Variants in SLC39A11 observed in about 807,000 individuals in gnomAD.
SLC39A11 encodes the protein zinc transporter ZIP11.
In SLC39A11, 33 loss-of-function variants were observed where a neutral mutation model predicts 36.1. That is an observed-to-expected ratio of 0.91 (90% CI 0.69 to 1.22). The LOEUF (loss-of-function observed/expected upper bound fraction) is 1.22, where lower values mean the gene tolerates loss of function less well. Ranked by LOEUF, SLC39A11 falls within the 50% of genes most tolerant of loss-of-function variation. The probability of loss-of-function intolerance (pLI) is 0.00; values close to 1 mark genes in which losing one functional copy is unlikely to be tolerated. For synonymous variants in SLC39A11, 166 were observed against 170.3 expected (o/e 0.97, Z 0.20); for missense variants, 432 against 430.3 (o/e 1.00, Z -0.03).
chr17:72,878,470 C>T (rs2081032876), intron 5 of SLC39A11, among the ~76,000 whole-genome samples: 1 of 152,194 alleles, frequency 6.6e-6, no homozygotes, highest in Non-Finnish European at 1.5e-5. Context: ...GCTTCTGTTC[C>T]TGTTTTTCTC....
At chr17:73,073,273 G>A (rs1032676461) in intron 3 of SLC39A11, among the ~76,000 whole-genome samples, 8 of 152,214 alleles carry the variant, frequency 5.3e-5, no homozygotes, top group Admixed American at 4.6e-4. Flanking sequence ...CCAGTGTCTT[G>A]TAGCATTGCT....
At chr17:72,762,829 A>G (rs575204892) in intron 6 of SLC39A11, among the ~76,000 whole-genome samples, 1 of 152,308 alleles carries the variant, frequency 6.6e-6, no homozygotes, top group East Asian at 1.9e-4. Context: ...AGCTCCAGGC[A>G]GACAAGCAGA....
intron 5 of SLC39A11, among the ~76,000 whole-genome samples, chr17:72,888,719 T>C (rs549360169): frequency 9.2e-5 from 14 of 152,060 alleles, no homozygotes; most frequent in South Asian, 6.2e-4. Context: ...CTGGGCAACA[T>C]AGCAAGACTC....
intron 5 of SLC39A11, among the ~76,000 whole-genome samples, chr17:72,900,417 T>G (rs1354183099): frequency 7.5e-6 from 1 of 133,960 alleles, no homozygotes; most frequent in Non-Finnish European, 1.7e-5. Context: ...TGCAGGATTA[T>G]GAGGATGTAT....
At chr17:73,009,945 T>C (rs2090419188) in intron 4 of SLC39A11, among the ~76,000 whole-genome samples, 1 of 150,952 alleles carries the variant, frequency 6.6e-6, no homozygotes, top group South Asian at 2.1e-4. Flanking sequence ...TGTCCAAGTG[T>C]TCTCATCGAA....
chr17:72,956,149 T>G (rs1166705120), intron 4 of SLC39A11, among the ~76,000 whole-genome samples: 1 of 152,170 alleles, frequency 6.6e-6, no homozygotes, highest in East Asian at 1.9e-4. Flanking sequence ...TTCGTCCCCA[T>G]CACCTTCATG....
chr17:72,663,964 C>T (rs2070605199), intron 7 of SLC39A11: 1 of 154,172 alleles, frequency 6.5e-6, no homozygotes, highest in African/African-American at 2.4e-5. Flanking sequence ...ACTTGTATAC[C>T]CTTGACCGAA....
chr17:73,033,214 C>T (rs983761791), intron 3 of SLC39A11, among the ~76,000 whole-genome samples: 1 of 152,220 alleles, frequency 6.6e-6, no homozygotes, highest in African/African-American at 2.4e-5. Context: ...TTGTCCGCTG[C>T]TCACCTGCTG....
In SLC39A11 at chr17:72,822,923, G is replaced by A. The variant is rs538156691; in HGVS notation, c.601+26711C>T. On this transcript the variant is annotated intron_variant, in intron 6 of 9. Transcript: ENST00000255559. ...TGAGGCAAGGTCTTGCCCTGTTTTT[G>A]TAGAGGTGAGGTCAGTTGCCCTGGC... 4.7e-5 allele frequency among the ~76,000 whole-genome samples: 7 copies of A among 150,190 alleles called. No homozygotes were observed. In the East Asian group the frequency reaches 1.4e-3, roughly 29 times the overall value.
At chr17:72,899,477 AGGGTCGGATAGACTTGAT>A (rs2082207029) in intron 5 of SLC39A11, among the ~76,000 whole-genome samples, 1 of 152,184 alleles carries the variant, frequency 6.6e-6, no homozygotes, top group African/African-American at 2.4e-5. Flanking sequence ...TGGAAAGGCA[AGGGTCGGATAGACTTGAT>A]GGCCTGTCTC....
intron 5 of SLC39A11, among the ~76,000 whole-genome samples, chr17:72,904,695 G>A (rs75219366): frequency 0.012 from 1,855 of 152,294 alleles, 39 homozygotes; most frequent in African/African-American, 0.043. Flanking sequence ...TGGCACTGAC[G>A]GGCCAAGGGA....
At chr17:72,866,052 G>A (rs1160527840) in intron 5 of SLC39A11, among the ~76,000 whole-genome samples, 2 of 152,180 alleles carry the variant, frequency 1.3e-5, no homozygotes, top group Non-Finnish European at 2.9e-5. Context: ...ACCAGTATCC[G>A]TCCATGGCCT....
chr17:72,999,411 A>G (rs542128226), intron 4 of SLC39A11, among the ~76,000 whole-genome samples: 9 of 152,356 alleles, frequency 5.9e-5, no homozygotes, highest in African/African-American at 2.2e-4. Context: ...CTTTCAGTCC[A>G]GGAATCTCAT....
chr17:72,867,148 G>A (rs1183910166), intron 5 of SLC39A11, among the ~76,000 whole-genome samples: 1 of 152,098 alleles, frequency 6.6e-6, no homozygotes, highest in Non-Finnish European at 1.5e-5. Context: ...TAGGGAGGAG[G>A]GGAGAGATGC....
intron 7 of SLC39A11, among the ~76,000 whole-genome samples, chr17:72,704,715 T>TG (rs11413433): frequency 0.54 from 82,122 of 151,898 alleles, 24,707 homozygotes; most frequent in South Asian, 0.67. Context: ...GGCAGTTCCC[T>TG]GGGGGGTCCT....
rs915683633 is a variant in SLC39A11 at position 72,900,793 on chromosome 17, G to C, written c.430+46959C>G. On this transcript the variant is annotated intron_variant, in intron 5 of 9. Coordinates refer to ENST00000255559, the MANE Select transcript of SLC39A11 (RefSeq NM_139177.4). The stretch of plus-strand genomic sequence containing the variant: ...CGGCATCCATGCTGCAGGTGTTTCC[G>C]AGTCACTGTGCTGGGAAAGCAGACA... Among the ~76,000 whole-genome samples the C allele has an allele frequency of 3.3e-5, 5 of 152,172 alleles. No homozygotes were observed. In the South Asian group the frequency reaches 1.0e-3, roughly 32 times the overall value.
rs1344328857 is a variant in SLC39A11 at position 73,081,664 on chromosome 17, CACACACATAT to C, written c.147+3134_147+3143del. On this transcript the variant is annotated intron_variant, in intron 3 of 9. Coordinates refer to ENST00000255559, the MANE Select transcript of SLC39A11 (RefSeq NM_139177.4). ...ACACACACACACACACACACACACA[CACACACATAT>C]ATATACACATATATGTATATATGTA... Among the ~76,000 whole-genome samples, 512 of 122,500 alleles carry C rather than the reference CACACACATAT, an allele frequency of 4.2e-3. 6 individuals carry two copies. Among genetic ancestry groups the C allele is most frequent in the African/African-American group, 0.013 (448 of 34,394 alleles). The allele number at this position is 122,500 out of a possible 152,430, so 80.4% of individuals were successfully genotyped here. A position where few individuals can be genotyped will look rare whatever the true frequency, so the allele number is the denominator to read the frequency against.
chr17:72,763,606 C>A (rs2075665494), intron 6 of SLC39A11, among the ~76,000 whole-genome samples: 1 of 152,220 alleles, frequency 6.6e-6, no homozygotes, highest in Non-Finnish European at 1.5e-5. Flanking sequence ...TCATCCTCCA[C>A]CATCTCTTGA....
intron 7 of SLC39A11, among the ~76,000 whole-genome samples, chr17:72,707,476 G>A (rs891022248): frequency 1.3e-5 from 2 of 152,190 alleles, no homozygotes; most frequent in East Asian, 3.8e-4. Flanking sequence ...CTGACACAAT[G>A]TGGACCTGTC....
Sources: gnomAD v4.1 joint callset for allele counts (sites outside exome capture counted in the v4.1 genomes callset) on GRCh38, gnomAD v4.1.1 for gene constraint, MANE v1.5 for transcripts, NCBI Gene and HGNC (gene_info 2026-07-23, HGNC 2026-07-21) for gene names.